The following PLA1A variants were observed in gnomAD, a reference collection of about 807,000 sequenced individuals.
PLA1A encodes the protein phosphatidylserine-specific phospholipase A1alpha.
PLA1A carries 47 observed loss-of-function variants against 49.4 expected under a neutral mutation model. The ratio of observed to expected loss-of-function variants is 0.95; its 90% CI spans 0.75 to 1.21. PLA1A has a LOEUF of 1.21. PLA1A is among the 50% of genes most tolerant of loss of function. The pLI, the probability that PLA1A is intolerant of heterozygous loss-of-function variation, is 0.00. For synonymous variants in PLA1A, 224 were observed against 207.9 expected, an observed-to-expected ratio of 1.08 and a Z score of -0.67; for missense variants, 561 against 563.9, an observed-to-expected ratio of 0.99 and a Z score of 0.05.
At chr3:119,609,043 C>A in intron 3 of PLA1A, 96 bp downstream of exon 3, 1 of 972,702 alleles carries the variant, frequency 1.0e-6, no homozygotes, top group Non-Finnish European at 1.6e-6. Context: ...AGGGTGGAAG[C>A]AGAGTCACCA....
chr3:119,614,605 CAA>C (rs57980425), intron 5 of PLA1A, among the ~76,000 whole-genome samples: 17,839 of 66,634 alleles, frequency 0.27, 734 homozygotes, highest in East Asian at 0.44. Flanking sequence ...GACTTCGTCT[CAA>C]AAAAAAAAAA....
chr3:119,626,916 A>C (rs2052545630), intron 9 of PLA1A, among the ~76,000 whole-genome samples: 1 of 152,198 alleles, frequency 6.6e-6, no homozygotes, highest in South Asian at 2.1e-4. Flanking sequence ...TGCTACTTCT[A>C]GAAGGGTGTT....
At chr3:119,604,304 C>T (rs1030416023) in intron 1 of PLA1A, among the ~76,000 whole-genome samples, 2 of 152,098 alleles carry the variant, frequency 1.3e-5, no homozygotes, top group Admixed American at 1.3e-4. Flanking sequence ...TATCTGCACT[C>T]TCACGTTTAT....
Position 119,606,995 on chromosome 3 carries a change from C to G in PLA1A, c.275+20C>G, listed in dbSNP as rs752014116. 6.4e-6 allele frequency: 10 copies of G among 1,567,916 alleles called. No individual in the cohort carries two copies. The highest frequency in any genetic ancestry group is 5.5e-5 in the South Asian group (5 of 90,140). ...ATTCAGGTGGGAGTTAAATAACCAA[C>G]AGGACTTCTCAACTAAGAATGATCA... On this transcript the variant is annotated intron_variant, in intron 2 of 10. Transcript: ENST00000273371.
chr3:119,612,567 C>T (rs912421284), intron 4 of PLA1A, among the ~76,000 whole-genome samples: 3 of 152,054 alleles, frequency 2.0e-5, no homozygotes, highest in African/African-American at 7.3e-5. Context: ...TGGCTTACTG[C>T]AACCTCTGTC....
At chr3:119,626,108 C>T (rs568313198) in intron 9 of PLA1A, among the ~76,000 whole-genome samples, 53 of 152,160 alleles carry the variant, frequency 3.5e-4, no homozygotes, top group Non-Finnish European at 6.9e-4. Flanking sequence ...TTAATCACAA[C>T]AGGAGCCAAT....
At chr3:119,604,607 GA>G (rs1206031347) in intron 1 of PLA1A, among the ~76,000 whole-genome samples, 1 of 152,188 alleles carries the variant, frequency 6.6e-6, no homozygotes, top group Non-Finnish European at 1.5e-5. Flanking sequence ...CAGAGGCTGA[GA>G]AGGGGGAAGG....
At chr3:119,622,269 A>G (rs959092130) in intron 8 of PLA1A, among the ~76,000 whole-genome samples, 3 of 152,226 alleles carry the variant, frequency 2.0e-5, no homozygotes, top group African/African-American at 7.2e-5. Context: ...AGGAAGAAGT[A>G]TTAATAATAT....
chr3:119,617,397 A>G (rs1300601468), intron 6 of PLA1A, among the ~76,000 whole-genome samples: 1 of 152,132 alleles, frequency 6.6e-6, no homozygotes, highest in Non-Finnish European at 1.5e-5. Flanking sequence ...GGGCAGCATC[A>G]TCAACTCTCT....
At position 119,604,600 on chromosome 3, in the gene PLA1A, A is replaced by T. The variant is rs143925352; in HGVS notation, c.74-2174A>T. 2.6e-3 allele frequency among the ~76,000 whole-genome samples: 403 copies of T among 152,338 alleles called. 1 individual carries two copies. The highest frequency in any genetic ancestry group is 8.1e-3 in the African/African-American group (338 of 41,570). ...GAGAGTAGTAGATTGTGGCTCTCAG[A>T]GGCTGAGAAGGGGGAAGGAGTTGGG... On this transcript the variant is annotated intron_variant, in intron 1 of 10. Coordinates refer to ENST00000273371, the MANE Select transcript of PLA1A (RefSeq NM_015900.4).
chr3:119,612,303 A>C (rs1463444775), intron 4 of PLA1A, among the ~76,000 whole-genome samples: 1 of 152,154 alleles, frequency 6.6e-6, no homozygotes, highest in African/African-American at 2.4e-5. Flanking sequence ...CCAAACTGAG[A>C]GATGGGAATA....
At chr3:119,619,777 G>A (rs2082903868) in intron 8 of PLA1A, 125 bp downstream of exon 8, 1 of 726,746 alleles carries the variant, frequency 1.4e-6, no homozygotes, top group South Asian at 1.6e-5. Context: ...TGTGGCAACA[G>A]CCCCTGGTCT....
chr3:119,603,563 T>C (rs2082645488), intron 1 of PLA1A, among the ~76,000 whole-genome samples: 2 of 152,256 alleles, frequency 1.3e-5, no homozygotes, highest in African/African-American at 4.8e-5. Context: ...AGTTAAAATA[T>C]TAGCTTATCT....
chr3:119,609,672 C>A (rs1351335186), intron 4 of PLA1A, 96 bp downstream of exon 4: 1 of 651,296 alleles, frequency 1.5e-6, no homozygotes, highest in Non-Finnish European at 2.7e-6. Context: ...GAGTACAGAG[C>A]CTTTGTTCTC....
intron 3 of PLA1A, 21 bp from the exon 4 acceptor site, chr3:119,609,439 CGGGGAACT>C (rs2082735811): frequency 5.1e-6 from 7 of 1,380,718 alleles, no homozygotes; most frequent in Non-Finnish European, 6.2e-6. Context: ...CTGTGGCCCA[CGGGGAACT>C]CACTGTTCCT....
At chr3:119,609,029 G>A in intron 3 of PLA1A, 82 bp downstream of exon 3, 1 of 1,187,054 alleles carries the variant, frequency 8.4e-7, no homozygotes. Context: ...GCCTGAGGAG[G>A]CTTAGGGTGG....
At chr3:119,602,888 T>C (rs2082636474) in intron 1 of PLA1A, among the ~76,000 whole-genome samples, 2 of 151,822 alleles carry the variant, frequency 1.3e-5, no homozygotes, top group African/African-American at 4.8e-5. Flanking sequence ...AGCAAAGACT[T>C]GAAGGAGGGG....
At chr3:119,607,013 A>C in intron 2 of PLA1A, 38 bp downstream of exon 2, 1 of 1,499,204 alleles carries the variant, frequency 6.7e-7, no homozygotes, top group Middle Eastern at 1.7e-4. Flanking sequence ...CTCAACTAAG[A>C]ATGATCAAGT....
intron 7 of PLA1A, 128 bp from the exon 8 acceptor site, chr3:119,619,435 T>C (rs2082897572): frequency 1.4e-6 from 1 of 710,244 alleles, no homozygotes; most frequent in African/African-American, 1.7e-5. Context: ...ATACAGCACA[T>C]AGTGCGTGTA....
Sources: gnomAD v4.1 joint callset for allele counts (sites outside exome capture counted in the v4.1 genomes callset) on GRCh38, gnomAD v4.1.1 for gene constraint, MANE v1.5 for transcripts, NCBI Gene and HGNC (gene_info 2026-07-23, HGNC 2026-07-21) for gene names.